SMOC2: variants seen among roughly 807,000 people sequenced by gnomAD.
SMOC2 encodes the protein SPARC-related modular calcium-binding protein 2.
A neutral mutation model predicts 61.4 loss-of-function variants in SMOC2; 39 were observed. That is an observed-to-expected ratio of 0.64 (90% CI 0.49 to 0.83). SMOC2 has a LOEUF of 0.83. Ranked by LOEUF, SMOC2 falls within the 40% of genes least tolerant of loss-of-function variation. The pLI is 0.00. For synonymous variants in SMOC2, 247 were observed against 239.9 expected (o/e 1.03, Z -0.27); for missense variants, 556 against 592.9 (o/e 0.94, Z 0.65).
chr6:168,560,422 CA>C (rs1784374195), intron 7 of SMOC2, among the ~76,000 whole-genome samples: 1 of 152,244 alleles, frequency 6.6e-6, no homozygotes. Flanking sequence ...AAACAGTCTT[CA>C]AGGTCATATT....
At chr6:168,511,704 T>C (rs73791045) in intron 2 of SMOC2, among the ~76,000 whole-genome samples, 106 of 152,208 alleles carry the variant, frequency 7.0e-4, no homozygotes, top group African/African-American at 2.4e-3. Flanking sequence ...TCAACCCCTA[T>C]GCATTTATCT....
chr6:168,442,474 A>G (rs1318086291), intron 1 of SMOC2, among the ~76,000 whole-genome samples: 1 of 152,204 alleles, frequency 6.6e-6, no homozygotes. Flanking sequence ...GGGTTTGCAA[A>G]CCCATCATTA....
chr6:168,477,213 C>A (rs1782107581), intron 1 of SMOC2, among the ~76,000 whole-genome samples: 1 of 152,174 alleles, frequency 6.6e-6, no homozygotes. Flanking sequence ...ATGCTAAAGA[C>A]AAAATTGAGA....
chr6:168,450,474 T>A lies in SMOC2; in HGVS notation c.84+9020T>A, dbSNP rs1485204832. Among the ~76,000 whole-genome samples the A allele has an allele frequency of 2.6e-5, 4 of 152,216 alleles. No homozygotes were observed. The East Asian group carries it at 7.7e-4, about 29-fold the overall frequency. On this transcript the variant is annotated intron_variant, in intron 1 of 12. Coordinates refer to ENST00000356284, the MANE Select transcript of SMOC2 (RefSeq NM_001166412.2). The stretch of plus-strand genomic sequence containing the variant: ...TAAGTATTTAAACAAGATGCTTAGG[T>A]TGTCAGCAGATGGGTCCCCTTCCCA...
chr6:168,451,968 G>A (rs1320701616), intron 1 of SMOC2, among the ~76,000 whole-genome samples: 2 of 152,094 alleles, frequency 1.3e-5, no homozygotes, highest in Non-Finnish European at 2.9e-5. Flanking sequence ...GTCCTTTTTT[G>A]GAAGAGGTGG....
chr6:168,638,849 T>G, intron 9 of SMOC2, among the ~76,000 whole-genome samples: 1 of 152,096 alleles, frequency 6.6e-6, no homozygotes, highest in South Asian at 2.1e-4. Context: ...AATTCATAGT[T>G]AGACAGAGGG....
chr6:168,495,579 C>T (rs745622744), intron 1 of SMOC2, among the ~76,000 whole-genome samples: 5 of 152,134 alleles, frequency 3.3e-5, no homozygotes, highest in South Asian at 2.1e-4. Flanking sequence ...TCGCAATGCC[C>T]GGGAAGCGTT....
chr6:168,554,942 C>T (rs904561654), intron 7 of SMOC2, among the ~76,000 whole-genome samples: 1 of 152,208 alleles, frequency 6.6e-6, no homozygotes, highest in Non-Finnish European at 1.5e-5. Context: ...CCCTCGGGCA[C>T]GAGTTCTCTC....
At chr6:168,459,320 C>T (rs939960069) in intron 1 of SMOC2, among the ~76,000 whole-genome samples, 1 of 152,200 alleles carries the variant, frequency 6.6e-6, no homozygotes, top group Non-Finnish European at 1.5e-5. Context: ...ACAGACGCGC[C>T]TGGGTCCCTG....
intron 7 of SMOC2, among the ~76,000 whole-genome samples, chr6:168,573,732 G>A (rs1330518283): frequency 6.6e-6 from 1 of 152,256 alleles, no homozygotes; most frequent in South Asian, 2.1e-4. Context: ...GCAGGACCCC[G>A]CCTCCCCACC....
chr6:168,526,018 C>T (rs1405808574), intron 2 of SMOC2, among the ~76,000 whole-genome samples: 3 of 152,216 alleles, frequency 2.0e-5, no homozygotes, highest in East Asian at 3.9e-4. Flanking sequence ...TCCCCATTTT[C>T]AGGAAGCAGG....
intron 9 of SMOC2, among the ~76,000 whole-genome samples, chr6:168,626,905 A>AGTTGGCCTGG (rs2115242027): frequency 6.6e-6 from 1 of 152,250 alleles, no homozygotes; most frequent in Admixed American, 6.5e-5. Context: ...CTGTTGCCTG[A>AGTTGGCCTGG]GTTGGCCTGG....
At chr6:168,441,567 G>T in intron 1 of SMOC2, 113 bp downstream of exon 1, 1 of 1,320,996 alleles carries the variant, frequency 7.6e-7, no homozygotes, top group Non-Finnish European at 9.7e-7. Context: ...CGGGGAGCAG[G>T]TGGCCCCGGG....
intron 2 of SMOC2, among the ~76,000 whole-genome samples, chr6:168,516,708 T>C (rs1583072047): frequency 6.6e-6 from 1 of 152,118 alleles, no homozygotes; most frequent in Non-Finnish European, 1.5e-5. Flanking sequence ...CATGCTGTTA[T>C]TATTAAGATT....
At chr6:168,512,470 A>G (rs1783031058) in intron 2 of SMOC2, among the ~76,000 whole-genome samples, 1 of 152,204 alleles carries the variant, frequency 6.6e-6, no homozygotes, top group South Asian at 2.1e-4. Context: ...GGAAAATGGA[A>G]CTTTAATTCA....
Position 168,466,064 on chromosome 6 carries a change from G to A in SMOC2, c.84+24610G>A, listed in dbSNP as rs189106864. 5.7e-4 allele frequency among the ~76,000 whole-genome samples: 73 copies of A among 128,106 alleles called. 1 individual carries two copies. In the East Asian group the frequency reaches 0.015, roughly 26 times the overall value. 84.0% of individuals were successfully genotyped at this position (128,106 alleles called of 152,430 possible). ...CTGCTCTGAGAGCTGGAACTGGGGG[G>A]CTCTGGATGAAGCGAGGTGCTGCTC... On this transcript the variant is annotated intron_variant, in intron 1 of 12. Transcript: ENST00000356284.
At chr6:168,520,369 C>T (rs1342305374) in intron 2 of SMOC2, among the ~76,000 whole-genome samples, 1 of 152,184 alleles carries the variant, frequency 6.6e-6, no homozygotes, top group African/African-American at 2.4e-5. Flanking sequence ...ATTGCCGTGG[C>T]CACTACAAAG....
At chr6:168,509,188 A>C (rs1321775773) in intron 1 of SMOC2, among the ~76,000 whole-genome samples, 1 of 152,168 alleles carries the variant, frequency 6.6e-6, no homozygotes, top group Admixed American at 6.5e-5. Context: ...AAAGAGCAGG[A>C]GGGAGATGAA....
At chr6:168,643,008 A>G (rs1786931275) in intron 9 of SMOC2, among the ~76,000 whole-genome samples, 1 of 152,204 alleles carries the variant, frequency 6.6e-6, no homozygotes, top group Non-Finnish European at 1.5e-5. Flanking sequence ...CCACATGTCC[A>G]TCTCTGTGTA....
Sources: allele counts gnomAD v4.1 joint callset (sites outside exome capture counted in the v4.1 genomes callset), GRCh38; gene constraint gnomAD v4.1.1; transcripts MANE v1.5; gene names NCBI Gene and HGNC (gene_info 2026-07-23, HGNC 2026-07-21).